The following ADAMTS9 variants were observed in gnomAD, a reference collection of about 807,000 sequenced individuals.
The protein encoded by ADAMTS9 is ADAM metallopeptidase with thrombospondin type 1 motif 9.
Under a neutral mutation model 257.1 loss-of-function variants are expected in ADAMTS9, and 107 were observed. The observed-to-expected ratio is 0.42, with a 90% CI of 0.36 to 0.49. ADAMTS9 has a LOEUF of 0.49. Ranked by LOEUF, ADAMTS9 falls within the 20% of genes least tolerant of loss-of-function variation. The pLI is 0.03. For missense variants in ADAMTS9, 2,353 were observed against 2,469.1 expected (o/e 0.95, Z 1.00); for synonymous variants, 982 against 880.9 (o/e 1.11, Z -2.03).
intron 28 of ADAMTS9, chr3:64,589,500 T>G (rs1295746763): frequency 6.6e-6 from 1 of 152,200 alleles, no homozygotes; most frequent in Non-Finnish European, 1.5e-5. Flanking sequence ...ACCTCCCTCA[T>G]GGGTTAAAAC....
Position 64,633,506 on chromosome 3 carries a change from T to C in ADAMTS9, c.2141A>G (p.Asp714Gly), listed in dbSNP as rs750523674. The stretch of plus-strand genomic sequence containing the variant: ...GCCCTGGACACAGATATCATTTGTG[T>C]CCTGGCCACAAGGAGTTCCATCTAT... The part of the protein sequence containing the change: ...RVIDGTPCGQ[D>G]TNDICVQGLC... Residue 714 changes from aspartate (D) to glycine (G), a missense_variant, in exon 14 of 40, where the codon GAC (aspartate) becomes GGC (glycine). Coordinates refer to ENST00000498707, the MANE Select transcript of ADAMTS9 (RefSeq NM_182920.2). 6 of 1,614,110 alleles carry C rather than the reference T, an allele frequency of 3.7e-6. No homozygotes were observed. In the South Asian group the frequency reaches 4.4e-5, roughly 12 times the overall value.
At chr3:64,590,095 T>C (rs552979816) in intron 28 of ADAMTS9, 2 of 152,322 alleles carry the variant, frequency 1.3e-5, no homozygotes, top group South Asian at 2.1e-4. Flanking sequence ...TATTTCATAG[T>C]TGAGATTCAA....
At chr3:64,531,873 G>A (rs1469376703) in intron 38 of ADAMTS9, among the ~76,000 whole-genome samples, 7 of 152,224 alleles carry the variant, frequency 4.6e-5, no homozygotes, top group Non-Finnish European at 1.5e-5. Context: ...GGAGAAATGG[G>A]CCATGCCTGG....
rs756913202 is a variant in ADAMTS9, at chr3:64,686,754, T to C, written c.330A>G (p.Leu110=). 1.9e-6 allele frequency: 3 copies of C among 1,614,018 alleles called. No homozygotes were observed. Among genetic ancestry groups the C allele is most frequent in the South Asian group, 1.1e-5 (1 of 91,068 alleles). The change falls in exon 2 of 40, where the codon CTA becomes CTG. Residue 110 remains leucine (L), a synonymous_variant. Coordinates refer to ENST00000498707, the MANE Select transcript of ADAMTS9 (RefSeq NM_182920.2). The surrounding 1 kb of genome is among the most constrained non-coding windows in gnomAD (Gnocchi z 4.6). The stretch of plus-strand genomic sequence containing the variant: ...ATCCGGCATTGGCGGTGAGATTAAA[T>C]AGAAACTGCTGGCCGAAGGCAGAGA... The part of the protein sequence containing the change: ...YRLSAFGQQF[L]FNLTANAGFI...
intron 6 of ADAMTS9, 127 bp from the exon 7 acceptor site, chr3:64,654,739 T>C (rs542623834): frequency 3.1e-6 from 3 of 982,456 alleles, no homozygotes; most frequent in Admixed American, 2.6e-5. Context: ...AAAAAGCAAA[T>C]TCATAAGACC....
intron 30 of ADAMTS9, among the ~76,000 whole-genome samples, chr3:64,554,766 A>G (rs2083310164): frequency 1.3e-5 from 2 of 152,206 alleles, no homozygotes; most frequent in African/African-American, 4.8e-5. Context: ...TCTGCAAGCT[A>G]CATGTGCCTT....
chr3:64,679,609 G>T (rs1459067274), intron 3 of ADAMTS9, among the ~76,000 whole-genome samples: 10 of 152,084 alleles, frequency 6.6e-5, no homozygotes, highest in Admixed American at 6.5e-4. Context: ...AAGTGTCATT[G>T]GTCAATAAAT....
Position 64,616,038 on chromosome 3 carries a change from G to A in ADAMTS9, c.2946C>T (p.Ser982=), listed in dbSNP as rs749675900. The A allele has an allele frequency of 1.2e-6, 2 of 1,613,890 alleles. No individual in the cohort carries two copies. Among genetic ancestry groups the A allele is most frequent in the East Asian group, 2.2e-5 (1 of 44,890 alleles). The part of the protein sequence containing the change: ...TEKVDDGFCS[S]HPKPSNREKC... ...TTTCACGGTTGCTTGGTTTGGGATG[G>A]CTGCTGCAAAAACCATCATCAACCT... Residue 982 remains serine, a synonymous_variant, in exon 20 of 40, where the codon AGC becomes AGT. Coordinates refer to ENST00000498707, the MANE Select transcript of ADAMTS9 (RefSeq NM_182920.2).
intron 12 of ADAMTS9, among the ~76,000 whole-genome samples, chr3:64,637,819 C>T (rs1360144323): frequency 6.6e-6 from 1 of 152,154 alleles, no homozygotes; most frequent in East Asian, 1.9e-4. Context: ...GGGAGCTGTA[C>T]CAGCCCATCT....
intron 3 of ADAMTS9, among the ~76,000 whole-genome samples, chr3:64,662,933 G>A (rs750505363): frequency 6.6e-6 from 1 of 151,968 alleles, no homozygotes; most frequent in South Asian, 2.1e-4. Context: ...TAAAACTATG[G>A]AATAAAATTG....
intron 30 of ADAMTS9, among the ~76,000 whole-genome samples, chr3:64,556,790 T>A (rs1358953320): frequency 2.0e-5 from 3 of 151,190 alleles, no homozygotes; most frequent in Admixed American, 1.3e-4. Flanking sequence ...CCTTCCTTTT[T>A]TGCTTCCATC....
At chr3:64,630,760 A>G (rs1417078328) in intron 16 of ADAMTS9, among the ~76,000 whole-genome samples, 1 of 152,170 alleles carries the variant, frequency 6.6e-6, no homozygotes, top group Non-Finnish European at 1.5e-5. Flanking sequence ...CATCTTGAAC[A>G]TGTACTCCAG....
intron 28 of ADAMTS9, among the ~76,000 whole-genome samples, chr3:64,590,784 T>C (rs2084244994): frequency 6.6e-6 from 1 of 152,118 alleles, no homozygotes; most frequent in Non-Finnish European, 1.5e-5. Context: ...CCAATGCACC[T>C]AAAGCAAGGC....
At chr3:64,530,626 G>A (rs762353673) in intron 38 of ADAMTS9, among the ~76,000 whole-genome samples, 3 of 151,934 alleles carry the variant, frequency 2.0e-5, no homozygotes, top group Non-Finnish European at 4.4e-5. Flanking sequence ...AGCCAGTGTA[G>A]TGATCATTCT....
chr3:64,645,084 T>C (rs1234822024), intron 11 of ADAMTS9, among the ~76,000 whole-genome samples: 1 of 152,166 alleles, frequency 6.6e-6, no homozygotes. Context: ...ACCAAGATAA[T>C]CTATTTTACC....
At chr3:64,622,160 C>T (rs780294504) in intron 18 of ADAMTS9, 38 bp downstream of exon 18, 5 of 1,558,232 alleles carry the variant, frequency 3.2e-6, no homozygotes, top group South Asian at 1.2e-5. Context: ...ATAAAATAAA[C>T]TTCTCAAATC....
rs149333995 is a variant in ADAMTS9, at chr3:64,641,126, G to T, written c.1856+722C>A. 4.6e-4 allele frequency among the ~76,000 whole-genome samples: 70 copies of T among 152,162 alleles called. 1 individual carries two copies. The East Asian group carries it at 0.014, about 29-fold the overall frequency. On this transcript the variant is annotated intron_variant, in intron 12 of 39. Transcript: ENST00000498707. ...AAAATAAAAAGTAATTCTTGATTTG[G>T]GGTCCCAGGTCCCTTGAGGTCTAAC...
chr3:64,599,714 T>C (rs550858791), intron 26 of ADAMTS9, among the ~76,000 whole-genome samples: 1 of 152,302 alleles, frequency 6.6e-6, no homozygotes, highest in African/African-American at 2.4e-5. Context: ...AATTATCCCT[T>C]AGTTACCCCT....
At chr3:64,605,540 C>T (rs527590239) in intron 23 of ADAMTS9, among the ~76,000 whole-genome samples, 2 of 152,292 alleles carry the variant, frequency 1.3e-5, no homozygotes, top group South Asian at 2.1e-4. Context: ...GGAGATAGTA[C>T]ATCAGCCACA....
Sources: gnomAD v4.1 joint callset for allele counts (sites outside exome capture counted in the v4.1 genomes callset) on GRCh38, gnomAD v4.1.1 for gene constraint, Gnocchi (gnomAD v3.1) non-coding constraint, MANE v1.5 for transcripts, NCBI Gene and HGNC (gene_info 2026-07-23, HGNC 2026-07-21) for gene names.